Variants in KIAA1217 observed in about 807,000 individuals in gnomAD.
The protein encoded by KIAA1217 is sickle tail protein homolog.
Under a neutral mutation model 163.9 loss-of-function variants are expected in KIAA1217, and 88 were observed. The observed-to-expected ratio is 0.54, with a 90% CI of 0.45 to 0.64. The LOEUF (loss-of-function observed/expected upper bound fraction) is 0.64. Among genes scored for constraint, KIAA1217 ranks in the 30% least tolerant of loss-of-function variants. The pLI, the probability that KIAA1217 is intolerant of heterozygous loss-of-function variation, is 0.00. For synonymous variants in KIAA1217, 903 were observed against 923.1 expected, an observed-to-expected ratio of 0.98 and a Z score of 0.39; for missense variants, 2,372 against 2,475.0, an observed-to-expected ratio of 0.96 and a Z score of 0.88.
chr10:24,089,903 A>G (rs2061858961), intron 2 of KIAA1217, among the ~76,000 whole-genome samples: 1 of 151,862 alleles, frequency 6.6e-6, no homozygotes, highest in Non-Finnish European at 1.5e-5. Flanking sequence ...ATCCCTGTCA[A>G]GCTACCAATG....
intron 2 of KIAA1217, among the ~76,000 whole-genome samples, chr10:24,166,583 C>T (rs2065355195): frequency 6.6e-6 from 1 of 152,010 alleles, no homozygotes; most frequent in Non-Finnish European, 1.5e-5. Flanking sequence ...ACTAAAAATA[C>T]AACAATTAAC....
At chr10:23,793,042 AGAAGGGATGACAAGGGATGTGG>A (rs1289773116) in intron 1 of KIAA1217, among the ~76,000 whole-genome samples, 1 of 82,154 alleles carries the variant, frequency 1.2e-5, no homozygotes, top group African/African-American at 6.2e-5. Context: ...CTCATGTGGG[AGAAGGGATGACAAGGGATGTGG>A]GAGAAGGCAA....
chr10:24,372,191 A>G (rs2051757601), intron 2 of KIAA1217, among the ~76,000 whole-genome samples: 1 of 152,200 alleles, frequency 6.6e-6, no homozygotes, highest in Non-Finnish European at 1.5e-5. Context: ...CCAAGGAAGA[A>G]GGCTTTGATC....
intron 1 of KIAA1217, among the ~76,000 whole-genome samples, chr10:23,834,688 A>G (rs1838365685): frequency 6.6e-6 from 1 of 152,180 alleles, no homozygotes. Context: ...AGGTAGAAGC[A>G]ATGGAGGTGA....
chr10:24,346,900 A>T (rs2047858430), intron 2 of KIAA1217, among the ~76,000 whole-genome samples: 1 of 152,160 alleles, frequency 6.6e-6, no homozygotes, highest in South Asian at 2.1e-4. Context: ...TCAAGATAAT[A>T]TGCAAACACT....
chr10:24,153,886 G>C (rs1416178787), intron 2 of KIAA1217, among the ~76,000 whole-genome samples: 2 of 152,012 alleles, frequency 1.3e-5, no homozygotes. Flanking sequence ...GGGTGAGGCA[G>C]GAGGATCACT....
intron 2 of KIAA1217, among the ~76,000 whole-genome samples, chr10:24,277,083 C>A (rs1290921925): frequency 3.3e-5 from 5 of 152,110 alleles, no homozygotes; most frequent in African/African-American, 1.2e-4. Context: ...AGCTTTTAAA[C>A]CAATCTTAAA....
In KIAA1217 at chr10:23,789,915, G is replaced by GCATATACATGTATATATACACATATA. The variant is rs1482292987; in HGVS notation, c.-321+94717_-321+94742dup. 3.5e-4 allele frequency among the ~76,000 whole-genome samples: 46 copies of GCATATACATGTATATATACACATATA among 133,136 alleles called. 4 individuals are homozygous for GCATATACATGTATATATACACATATA. The highest frequency in any genetic ancestry group is 5.2e-4 in the Admixed American group (7 of 13,382). The allele number at this position is 133,136 out of a possible 152,430, so 87.3% of individuals were successfully genotyped here. ...ATATATGATATATACATATACATAT[G>GCATATACATGTATATATACACATATA]CATATACATGTATATATACACATAT... is the stretch of plus-strand genomic sequence containing the variant. On this transcript the variant is annotated intron_variant, in intron 1 of 18. Coordinates refer to the KIAA1217 transcript ENST00000376462.
At chr10:24,235,990 G>C (rs1411246595) in intron 2 of KIAA1217, among the ~76,000 whole-genome samples, 2 of 152,104 alleles carry the variant, frequency 1.3e-5, no homozygotes, top group East Asian at 1.9e-4. Context: ...TCTCGGGTCA[G>C]CCTGAGTTCA....
At chr10:24,398,112 C>T (rs968852420) in intron 3 of KIAA1217, among the ~76,000 whole-genome samples, 3 of 152,182 alleles carry the variant, frequency 2.0e-5, no homozygotes, top group African/African-American at 4.8e-5. Flanking sequence ...TAATAGCCTA[C>T]CATTGAGCAG....
chr10:23,940,197 C>A (rs1044580756), intron 1 of KIAA1217, among the ~76,000 whole-genome samples: 6 of 151,682 alleles, frequency 4.0e-5, no homozygotes. Context: ...CAGTGGCTCA[C>A]GCCTGTAATC....
chr10:24,062,600 C>T (rs928734814), intron 2 of KIAA1217, among the ~76,000 whole-genome samples: 10 of 151,276 alleles, frequency 6.6e-5, no homozygotes, highest in Admixed American at 2.6e-4. Context: ...AATAAACATA[C>T]GTGTGCATGT....
intron 3 of KIAA1217, among the ~76,000 whole-genome samples, chr10:24,432,261 G>A (rs2131796785): frequency 6.6e-6 from 1 of 151,572 alleles, no homozygotes; most frequent in Non-Finnish European, 1.5e-5. Flanking sequence ...GGGATTACAG[G>A]CATGTGCCAC....
rs201727861 is a variant in KIAA1217 at position 24,444,001 on chromosome 10, GTTTTC to G, written c.846+5542_846+5546del. 7.4e-3 allele frequency among the ~76,000 whole-genome samples: 1,118 copies of G among 152,012 alleles called. 15 individuals are homozygous for G. The highest frequency in any genetic ancestry group is 0.02 in the East Asian group (105 of 5,142). The stretch of plus-strand genomic sequence containing the variant: ...AAAATTTTCATAATAAAATCTGTTT[GTTTTC>G]TTTTCTTTTCTTTTCTTTTTTCTGA... On this transcript the variant is annotated intron_variant, in intron 5 of 20. Coordinates refer to ENST00000376454, the MANE Select transcript of KIAA1217 (RefSeq NM_019590.5).
intron 6 of KIAA1217, among the ~76,000 whole-genome samples, chr10:24,476,110 C>T (rs73604488): frequency 6.6e-6 from 1 of 151,978 alleles, no homozygotes; most frequent in Non-Finnish European, 1.5e-5. Flanking sequence ...TGCATGAAAA[C>T]AGATTAGTTT....
chr10:23,831,744 C>T (rs1460418973), intron 1 of KIAA1217, among the ~76,000 whole-genome samples: 16 of 151,994 alleles, frequency 1.1e-4, no homozygotes, highest in African/African-American at 3.6e-4. Flanking sequence ...TAATAATATC[C>T]AGGTGATATG....
chr10:24,000,935 G>A (rs543732236), intron 1 of KIAA1217, among the ~76,000 whole-genome samples: 2 of 152,284 alleles, frequency 1.3e-5, no homozygotes, highest in East Asian at 3.9e-4. Context: ...GAAAATGTGT[G>A]GACTCTGATG....
At chr10:24,005,731 C>T (rs12244609) in intron 1 of KIAA1217, among the ~76,000 whole-genome samples, 2,661 of 152,234 alleles carry the variant, frequency 0.017, 71 homozygotes, top group African/African-American at 0.06. Context: ...ATTCAATTTT[C>T]AGTATTTCAC....
At chr10:24,507,242 A>G (rs1200663689) in intron 9 of KIAA1217, among the ~76,000 whole-genome samples, 1 of 152,224 alleles carries the variant, frequency 6.6e-6, no homozygotes, top group Non-Finnish European at 1.5e-5. Context: ...GTAAAGGAAA[A>G]CAACAAAATT....
Sources: allele counts gnomAD v4.1 joint callset (sites outside exome capture counted in the v4.1 genomes callset), GRCh38; gene constraint gnomAD v4.1.1; transcripts MANE v1.5; gene names NCBI Gene and HGNC (gene_info 2026-07-23, HGNC 2026-07-21).